MOB4: variants seen among roughly 807,000 people sequenced by gnomAD.
MOB4 encodes the protein MOB-like protein phocein.
Under a neutral mutation model 32.2 loss-of-function variants are expected in MOB4, and 4 were observed. That is an observed-to-expected ratio of 0.12 (90% CI 0.06 to 0.28). MOB4 has a LOEUF of 0.28. Ranked by LOEUF, MOB4 falls within the 10% of genes least tolerant of loss-of-function variation. The pLI is 1.00. For missense variants in MOB4, 158 were observed against 271.2 expected (o/e 0.58, Z 2.93); for synonymous variants, 88 against 88.1 (o/e 1.00, Z 0.01).
upstream of MOB4, chr2:197,515,728 C>CG: frequency 3.3e-6 from 1 of 302,188 alleles, no homozygotes; most frequent in South Asian, 4.2e-5. Context: ...GTTCGTTCTT[C>CG]CCGTGTAACT....
chr2:197,546,294 C>G (rs1238684221), intron 5 of MOB4, among the ~76,000 whole-genome samples: 1 of 152,150 alleles, frequency 6.6e-6, no homozygotes, highest in African/African-American at 2.4e-5. Flanking sequence ...ATCTCCTGAC[C>G]TTGTGATCCA....
At chr2:197,545,371 T>C (rs185241593) in intron 5 of MOB4, among the ~76,000 whole-genome samples, 230 of 152,346 alleles carry the variant, frequency 1.5e-3, no homozygotes, top group Non-Finnish European at 2.1e-3. Context: ...AAATGCTATA[T>C]AAATAGTTGT....
At chr2:197,523,036 A>T (rs1410771508) in intron 1 of MOB4, among the ~76,000 whole-genome samples, 1 of 151,776 alleles carries the variant, frequency 6.6e-6, no homozygotes, top group Non-Finnish European at 1.5e-5. Context: ...TAATAATAAT[A>T]ATTATGGAGC....
In MOB4 at chr2:197,535,512, GA is replaced by G. The variant is rs1199447232; in HGVS notation, c.124-16del. Reference sequence around the variant, plus strand: ...GGTGATATAATTTAATTAACCATAAGAACTTCTTTGTTTTTAGTATATTCAA... The same window carrying G: ...GGTGATATAATTTAATTAACCATAAGACTTCTTTGTTTTTAGTATATTCAA... On this transcript the variant is annotated splice_polypyrimidine_tract_variant and intron_variant, in intron 2 of 7. Transcript: ENST00000323303. 1 of 1,575,812 alleles carries G rather than the reference GA, an allele frequency of 6.3e-7. No individual in the cohort carries two copies. Among genetic ancestry groups the G allele is most frequent in the African/African-American group, 1.4e-5 (1 of 72,684 alleles).
In MOB4 at chr2:197,551,692, A is replaced by G. The variant is rs1252803647; in HGVS notation, c.*1046A>G. Reference sequence around the variant, plus strand: ...TTACACCCCCTCTCCCACGAAGTTTATGTTTGGATTACATGCACGTGTGAG... The same window carrying G: ...TTACACCCCCTCTCCCACGAAGTTTGTGTTTGGATTACATGCACGTGTGAG... On this transcript the variant is annotated 3_prime_UTR_variant, in exon 8 of 8. Coordinates refer to ENST00000323303, the MANE Select transcript of MOB4 (RefSeq NM_015387.5). 1.3e-5 allele frequency: 2 copies of G among 152,652 alleles called. No homozygotes were observed. The highest frequency in any genetic ancestry group is 4.8e-5 in the African/African-American group (2 of 41,458). 9.5% of individuals were successfully genotyped at this position (152,652 alleles called of 1,614,324 possible).
chr2:197,544,158 C>T (rs890217956), intron 5 of MOB4, among the ~76,000 whole-genome samples: 1 of 152,156 alleles, frequency 6.6e-6, no homozygotes, highest in Non-Finnish European at 1.5e-5. Flanking sequence ...CTGTAGCCCC[C>T]ACCTCCCAGT....
At chr2:197,537,051 T>C (rs936172506) in intron 3 of MOB4, among the ~76,000 whole-genome samples, 10 of 152,192 alleles carry the variant, frequency 6.6e-5, no homozygotes, top group Non-Finnish European at 1.3e-4. Flanking sequence ...CACTTTATGT[T>C]TTTGTAGAGG....
At position 197,550,268 on chromosome 2, in the gene MOB4, CT is replaced by C; in HGVS notation, c.435-5del. The stretch of plus-strand genomic sequence containing the variant: ...CTAAGAATCTATGGTTTCTTTTCTA[CT>C]TCTAGGGTTAGCATAAAGGAATCAT... On this transcript the variant is annotated splice_region_variant and splice_polypyrimidine_tract_variant and intron_variant, in intron 6 of 7. Coordinates refer to ENST00000323303, the MANE Select transcript of MOB4 (RefSeq NM_015387.5). The C allele has an allele frequency of 6.2e-7, 1 of 1,607,480 alleles. No homozygotes were observed. The highest frequency in any genetic ancestry group is 8.5e-7 in the Non-Finnish European group (1 of 1,177,638).
At chr2:197,539,195 G>A (rs1260435646) in intron 3 of MOB4, among the ~76,000 whole-genome samples, 2 of 152,026 alleles carry the variant, frequency 1.3e-5, no homozygotes, top group African/African-American at 4.8e-5. Context: ...TTAATAGGTA[G>A]GACTTTAGGA....
At chr2:197,523,779 C>A in intron 2 of MOB4, 93 bp downstream of exon 2, 1 of 1,193,416 alleles carries the variant, frequency 8.4e-7, no homozygotes, top group Non-Finnish European at 1.2e-6. Flanking sequence ...CACTGTGCAG[C>A]AGTCTGCTTC....
intron 1 of MOB4, among the ~76,000 whole-genome samples, chr2:197,519,395 C>G (rs556401877): frequency 1.3e-5 from 2 of 152,218 alleles, no homozygotes; most frequent in Non-Finnish European, 2.9e-5. Context: ...TCCGTACCCC[C>G]ACCCCATACC....
intron 2 of MOB4, among the ~76,000 whole-genome samples, chr2:197,531,135 C>T (rs1318658973): frequency 6.6e-6 from 1 of 151,486 alleles, no homozygotes; most frequent in Admixed American, 6.6e-5. Context: ...GCAAGCTCCG[C>T]CTCCCAGGTT....
intron 2 of MOB4, among the ~76,000 whole-genome samples, chr2:197,531,744 C>A (rs370252513): frequency 6.6e-6 from 1 of 151,750 alleles, no homozygotes; most frequent in African/African-American, 2.4e-5. Flanking sequence ...GGGGTTTTAC[C>A]CTATTGGCCA....
At chr2:197,547,343 C>G (rs1482651064) in intron 5 of MOB4, among the ~76,000 whole-genome samples, 1 of 152,012 alleles carries the variant, frequency 6.6e-6, no homozygotes, top group Non-Finnish European at 1.5e-5. Context: ...CATGGTATAC[C>G]CAAATGACAA....
upstream of MOB4, chr2:197,516,060 G>T: frequency 6.4e-7 from 1 of 1,568,340 alleles, no homozygotes; most frequent in Non-Finnish European, 8.6e-7. Context: ...TCCGGGTACC[G>T]ACTCCAGCCG....
At chr2:197,530,323 A>G (rs2086678636) in intron 2 of MOB4, among the ~76,000 whole-genome samples, 1 of 151,938 alleles carries the variant, frequency 6.6e-6, no homozygotes, top group Non-Finnish European at 1.5e-5. Context: ...GCTGGAGTGC[A>G]GTGGTACAAT....
chr2:197,532,554 C>T (rs896845500), intron 2 of MOB4, among the ~76,000 whole-genome samples: 1 of 151,864 alleles, frequency 6.6e-6, no homozygotes, highest in Non-Finnish European at 1.5e-5. Context: ...GTGTTGTGGG[C>T]GCACGCCTGT....
intron 2 of MOB4, among the ~76,000 whole-genome samples, chr2:197,529,899 G>A (rs889904720): frequency 3.8e-4 from 57 of 150,630 alleles, no homozygotes; most frequent in African/African-American, 1.3e-3. Flanking sequence ...TGATCTGCCC[G>A]CCTCAGCCTC....
intron 1 of MOB4, chr2:197,516,672 C>G (rs1278937494): frequency 2.1e-6 from 1 of 471,610 alleles, no homozygotes; most frequent in East Asian, 6.9e-5. Flanking sequence ...TCCTTGTTTC[C>G]CTTTGACCAC....
Sources: allele counts gnomAD v4.1 joint callset (sites outside exome capture counted in the v4.1 genomes callset), GRCh38; gene constraint gnomAD v4.1.1; transcripts MANE v1.5; gene names NCBI Gene and HGNC (gene_info 2026-07-23, HGNC 2026-07-21).